The following PTPRD variants were observed in gnomAD, a reference collection of about 807,000 sequenced individuals.
The protein encoded by PTPRD is protein tyrosine phosphatase receptor type D.
PTPRD carries 34 observed loss-of-function variants against 214.5 expected under a neutral mutation model. That is an observed-to-expected ratio of 0.16 (90% CI 0.12 to 0.21). PTPRD has a LOEUF of 0.21. Ranked by LOEUF, PTPRD falls within the 10% of genes least tolerant of loss-of-function variation. The pLI is 1.00. For missense variants in PTPRD, 2,545 were observed against 2,398.7 expected (o/e 1.06, Z -1.27); for synonymous variants, 1,128 against 845.7 (o/e 1.33, Z -5.79).
At chr9:10,200,011 T>C (rs529285639) in intron 3 of PTPRD, among the ~76,000 whole-genome samples, 2 of 152,170 alleles carry the variant, frequency 1.3e-5, no homozygotes, top group African/African-American at 4.8e-5. Flanking sequence ...TTATTTATCC[T>C]AGCATACTAA....
chr9:8,944,720 A>G (rs762461616), intron 11 of PTPRD, among the ~76,000 whole-genome samples: 2 of 152,072 alleles, frequency 1.3e-5, no homozygotes, highest in East Asian at 1.9e-4. Context: ...ATTCATGGAG[A>G]TAGGATGACG....
At chr9:10,254,157 A>C (rs936098013) in intron 3 of PTPRD, among the ~76,000 whole-genome samples, 2 of 152,102 alleles carry the variant, frequency 1.3e-5, no homozygotes, top group East Asian at 1.9e-4. Context: ...TCCAGTTTTA[A>C]ATTTTTGTTT....
intron 33 of PTPRD, among the ~76,000 whole-genome samples, chr9:8,455,757 A>ATGT (rs1317484220): frequency 6.6e-6 from 1 of 152,200 alleles, no homozygotes; most frequent in African/African-American, 2.4e-5. Flanking sequence ...TTCTATATAA[A>ATGT]TGTTTCCAAT....
chr9:9,581,503 T>C (rs1187087689), intron 7 of PTPRD, among the ~76,000 whole-genome samples: 2 of 152,158 alleles, frequency 1.3e-5, no homozygotes, highest in African/African-American at 2.4e-5. Context: ...ATTCCTATTA[T>C]AATTGTAGGC....
chr9:10,071,508 C>A lies in PTPRD; in HGVS notation c.-544-37718G>T, dbSNP rs190280119. On this transcript the variant is annotated intron_variant, in intron 3 of 45. Coordinates refer to ENST00000381196, the MANE Select transcript of PTPRD (RefSeq NM_002839.4). The stretch of plus-strand genomic sequence containing the variant: ...ACCCATCTTTGAAAAAAGAGTAAAG[C>A]CACTTCAGTGGAGAAAATCATTACC... Among the ~76,000 whole-genome samples the A allele has an allele frequency of 7.9e-5, 12 of 152,032 alleles. No homozygotes were observed. The East Asian group carries it at 1.6e-3, about 20-fold the overall frequency.
At chr9:10,269,519 T>C (rs977778255) in intron 3 of PTPRD, among the ~76,000 whole-genome samples, 1 of 152,188 alleles carries the variant, frequency 6.6e-6, no homozygotes, top group Non-Finnish European at 1.5e-5. Flanking sequence ...CCCTTTGATT[T>C]CTAAGAAAAG....
At chr9:9,881,736 A>C (rs1565977704) in intron 5 of PTPRD, among the ~76,000 whole-genome samples, 1 of 152,158 alleles carries the variant, frequency 6.6e-6, no homozygotes, top group African/African-American at 2.4e-5. Flanking sequence ...GTGACCTTCC[A>C]GGGTTCTGCA....
chr9:9,811,580 G>T (rs767362593), intron 5 of PTPRD, among the ~76,000 whole-genome samples: 1 of 151,954 alleles, frequency 6.6e-6, no homozygotes. Context: ...GGTGGCAGGC[G>T]CCTGTAGTCC....
At chr9:9,120,354 C>A (rs2099816455) in intron 10 of PTPRD, among the ~76,000 whole-genome samples, 3 of 152,204 alleles carry the variant, frequency 2.0e-5, no homozygotes, top group Non-Finnish European at 4.4e-5. Flanking sequence ...TATATGCCAT[C>A]AGGCACTTGT....
chr9:8,763,939 ATAAT>A (rs1367328392), intron 11 of PTPRD, among the ~76,000 whole-genome samples: 2 of 152,224 alleles, frequency 1.3e-5, no homozygotes, highest in African/African-American at 2.4e-5. Context: ...TATTCTCTTG[ATAAT>A]TTATTTTCAG....
intron 20 of PTPRD, among the ~76,000 whole-genome samples, chr9:8,518,666 A>T (rs890696012): frequency 1.3e-5 from 2 of 152,178 alleles, no homozygotes; most frequent in African/African-American, 4.8e-5. Context: ...CTTGTATCCA[A>T]ATCCTCTACT....
chr9:9,082,817 T>G (rs1424342483), intron 10 of PTPRD, among the ~76,000 whole-genome samples: 1 of 151,914 alleles, frequency 6.6e-6, no homozygotes, highest in Non-Finnish European at 1.5e-5. Context: ...ACAAAAAGAA[T>G]AAAATACCTA....
At chr9:10,437,986 G>A (rs997318424) in intron 2 of PTPRD, among the ~76,000 whole-genome samples, 19 of 128,680 alleles carry the variant, frequency 1.5e-4, no homozygotes, top group African/African-American at 7.2e-4. Flanking sequence ...AGCATTTCTG[G>A]ACTATCAGCT....
intron 10 of PTPRD, among the ~76,000 whole-genome samples, chr9:9,116,055 T>C (rs2099812065): frequency 6.6e-6 from 1 of 151,914 alleles, no homozygotes; most frequent in East Asian, 1.9e-4. Context: ...CAACAGACAC[T>C]GAGAGGGTGA....
At chr9:10,016,666 G>A (rs990233248) in intron 4 of PTPRD, among the ~76,000 whole-genome samples, 1 of 126,664 alleles carries the variant, frequency 7.9e-6, no homozygotes, top group Non-Finnish European at 1.9e-5. Flanking sequence ...AATGCCTCCT[G>A]TGGGTTGTTT....
At chr9:9,190,615 T>C (rs1171816791) in intron 9 of PTPRD, among the ~76,000 whole-genome samples, 3 of 151,964 alleles carry the variant, frequency 2.0e-5, no homozygotes, top group Admixed American at 6.6e-5. Context: ...TGTGATGACA[T>C]AGCACAAAAG....
chr9:9,151,777 A>G (rs1358799172), intron 10 of PTPRD, among the ~76,000 whole-genome samples: 1 of 152,180 alleles, frequency 6.6e-6, no homozygotes, highest in African/African-American at 2.4e-5. Flanking sequence ...AAAGAGGCAC[A>G]TTGTGACAGT....
intron 11 of PTPRD, among the ~76,000 whole-genome samples, chr9:8,939,457 T>C (rs2099017798): frequency 6.6e-6 from 1 of 152,156 alleles, no homozygotes; most frequent in South Asian, 2.1e-4. Flanking sequence ...GACTCTATAA[T>C]TTATTAGAAT....
At chr9:8,449,590 C>G (rs963179178) in intron 34 of PTPRD, 135 bp downstream of exon 34, 51 of 818,286 alleles carry the variant, frequency 6.2e-5, no homozygotes, top group Admixed American at 3.2e-4. Context: ...GGGCAAGTCT[C>G]CATAATAGTA....
Sources: allele counts gnomAD v4.1 joint callset (sites outside exome capture counted in the v4.1 genomes callset), GRCh38; gene constraint gnomAD v4.1.1; transcripts MANE v1.5; gene names NCBI Gene and HGNC (gene_info 2026-07-23, HGNC 2026-07-21).